The following GRIN1 variants were observed in gnomAD, a reference collection of about 807,000 sequenced individuals.
The protein encoded by GRIN1 is glutamate receptor ionotropic, NMDA 1.
Under a neutral mutation model 103.0 loss-of-function variants are expected in GRIN1, and 38 were observed. The ratio of observed to expected loss-of-function variants is 0.37; its 90% CI spans 0.28 to 0.48. The LOEUF (loss-of-function observed/expected upper bound fraction) is 0.48, where lower values mean the gene tolerates loss of function less well. Among genes scored for constraint, GRIN1 ranks in the 20% least tolerant of loss-of-function variants. GRIN1 has a pLI of 0.98. For synonymous variants in GRIN1, 544 were observed against 532.7 expected (o/e 1.02, Z -0.29); for missense variants, 577 against 1,288.9 (o/e 0.45, Z 8.46).
intron 2 of GRIN1, 128 bp from the exon 3 acceptor site, chr9:137,145,597 TG>T: frequency 4.1e-6 from 2 of 492,568 alleles, no homozygotes; most frequent in South Asian, 3.8e-5. Flanking sequence ...CGTGTCCCCA[TG>T]GGGGTGGGGA....
chr9:137,157,885 G>A lies in GRIN1; in HGVS notation c.969-494G>A, dbSNP rs1476461771. Among the ~76,000 whole-genome samples the A allele has an allele frequency of 2.0e-5, 3 of 152,320 alleles. No homozygotes were observed. In the East Asian group the frequency reaches 5.8e-4, roughly 29 times the overall value. The stretch of plus-strand genomic sequence containing the variant: ...CATGTGACACAAGCACATGCATGGG[G>A]TGCACCCCACATAGGGATCACGTGT... On this transcript the variant is annotated intron_variant, in intron 6 of 19. Coordinates refer to ENST00000371561, the MANE Select transcript of GRIN1 (RefSeq NM_007327.4).
In GRIN1 at chr9:137,167,731, G is replaced by A. The variant is rs780931421; in HGVS notation, c.*204G>A. 6.2e-7 allele frequency: 1 copy of A among 1,610,350 alleles called. No homozygotes were observed. Among genetic ancestry groups the A allele is most frequent in the Admixed American group, 1.7e-5 (1 of 59,928 alleles). ...TCCCGGCCCCGCGCGTGCCCCCAGC[G>A]TGGGGCTAACGGGCGCCTTGTCTGT... On this transcript the variant is annotated 3_prime_UTR_variant, in exon 20 of 20. Coordinates refer to ENST00000371561, the MANE Select transcript of GRIN1 (RefSeq NM_007327.4).
chr9:137,142,452 C>T (rs939331302), intron 2 of GRIN1, among the ~76,000 whole-genome samples: 5 of 152,064 alleles, frequency 3.3e-5, no homozygotes, highest in Admixed American at 6.5e-5. Context: ...GGGCACACAT[C>T]ACACACTCAC....
At chr9:137,160,677 G>T (rs947197002) in intron 8 of GRIN1, among the ~76,000 whole-genome samples, 2 of 152,172 alleles carry the variant, frequency 1.3e-5, no homozygotes, top group East Asian at 3.9e-4. Flanking sequence ...TGATCCGGCC[G>T]CCTCGGCCTC....
At chr9:137,159,711 G>A (rs1451169982) in intron 8 of GRIN1, among the ~76,000 whole-genome samples, 1 of 152,226 alleles carries the variant, frequency 6.6e-6, no homozygotes, top group African/African-American at 2.4e-5. Context: ...TATATTACCT[G>A]TATAACAGGA....
At chr9:137,151,294 G>GA (rs1396488919) in intron 4 of GRIN1, among the ~76,000 whole-genome samples, 1 of 136,884 alleles carries the variant, frequency 7.3e-6, no homozygotes, top group African/African-American at 2.8e-5. Flanking sequence ...ACCCGCCCAG[G>GA]AAAAAGCTCT....
In GRIN1 at chr9:137,167,535, CG is replaced by C; in HGVS notation, c.*9del. The stretch of plus-strand genomic sequence containing the variant: ...CGTCATAGGGAGAGCTGAGACTCCC[CG>C]CCCGCCCTCCTCTGCCCCCTCCCCC... On this transcript the variant is annotated 3_prime_UTR_variant, in exon 20 of 20. Coordinates refer to ENST00000371561, the MANE Select transcript of GRIN1 (RefSeq NM_007327.4). 9.1e-6 allele frequency: 14 copies of C among 1,542,284 alleles called. No individual in the cohort carries two copies. The highest frequency in any genetic ancestry group is 2.7e-5 in the African/African-American group (2 of 73,434).
rs1263823031 is a variant in GRIN1, at chr9:137,167,556, T to G, written c.*29T>G. The G allele has an allele frequency of 3.5e-6, 3 of 854,942 alleles. No homozygotes were observed. Among genetic ancestry groups the G allele is most frequent in the South Asian group, 2.8e-5 (2 of 71,280 alleles). The allele number at this position is 854,942 out of a possible 1,614,324, so 53.0% of individuals were successfully genotyped here. On this transcript the variant is annotated 3_prime_UTR_variant, in exon 20 of 20. Coordinates refer to ENST00000371561, the MANE Select transcript of GRIN1 (RefSeq NM_007327.4). ...TCCCCGCCCGCCCTCCTCTGCCCCC[T>G]CCCCCGCAGACAGACAGACAGACGG... is the stretch of plus-strand genomic sequence containing the variant.
intron 4 of GRIN1, among the ~76,000 whole-genome samples, chr9:137,151,112 A>G (rs1331285918): frequency 4.0e-5 from 5 of 124,016 alleles, no homozygotes; most frequent in African/African-American, 1.2e-4. Flanking sequence ...CCCCGCCCAG[A>G]AAAAAGTCGC....
At position 137,158,363 on chromosome 9, in the gene GRIN1, A is replaced by G. The variant is rs199706518; in HGVS notation, c.969-16A>G. The G allele has an allele frequency of 3.7e-6, 6 of 1,612,978 alleles. No homozygotes were observed. The highest frequency in any genetic ancestry group is 4.5e-5 in the East Asian group (2 of 44,884). The stretch of plus-strand genomic sequence containing the variant: ...GGAGCATCTCTGAGAAGCCTCAGCT[A>G]TGCTTCCTTCCCTAGAGTGCTGATG... On this transcript the variant is annotated splice_polypyrimidine_tract_variant and intron_variant, in intron 6 of 19. Coordinates refer to ENST00000371561, the MANE Select transcript of GRIN1 (RefSeq NM_007327.4).
At position 137,161,424 on chromosome 9, in the gene GRIN1, G is replaced by A. The variant is rs10747050; in HGVS notation, c.1467+8G>A. On this transcript the variant is annotated splice_region_variant and intron_variant, in intron 10 of 19. Transcript: ENST00000371561. ...TTCGGCACACAGGAGCGGGTAGGCT[G>A]GACGGCGGGGGTGGGGACCAGCGTG... The A allele has an allele frequency of 0.93, 1,503,796 of 1,608,884 alleles. 703,780 individuals are homozygous for A. The highest frequency in any genetic ancestry group is 0.99 in the East Asian group (44,192 of 44,684).
At chr9:137,153,957 G>C (rs1255493262) in intron 4 of GRIN1, among the ~76,000 whole-genome samples, 2 of 152,000 alleles carry the variant, frequency 1.3e-5, no homozygotes, top group African/African-American at 4.8e-5. Context: ...AATTACAGGT[G>C]TGTGCCACCA....
At chr9:137,152,713 G>A (rs2131253537) in intron 4 of GRIN1, among the ~76,000 whole-genome samples, 1 of 152,240 alleles carries the variant, frequency 6.6e-6, no homozygotes, top group South Asian at 2.1e-4. Context: ...CCCAGGGGAA[G>A]GGACATGGTC....
At chr9:137,162,312 G>A (rs1293956719) in intron 12 of GRIN1, 22 bp downstream of exon 12, 2 of 1,546,520 alleles carry the variant, frequency 1.3e-6, no homozygotes, top group Admixed American at 3.8e-5. Flanking sequence ...CCGGGGCTCA[G>A]ACACCTCCAT....
intron 2 of GRIN1, 139 bp from the exon 3 acceptor site, chr9:137,145,586 AC>A: frequency 1.3e-5 from 5 of 390,938 alleles, no homozygotes; most frequent in South Asian, 2.3e-5. Context: ...AGGGTCTAGA[AC>A]GTGTCCCCAT....
chr9:137,162,616 C>T lies in GRIN1; in HGVS notation c.1890C>T (p.Arg630=). 6.2e-7 allele frequency: 1 copy of T among 1,612,666 alleles called. No homozygotes were observed. The highest frequency in any genetic ancestry group is 8.5e-7 in the Non-Finnish European group (1 of 1,179,784). ...GCGCCCCCAGAAGCTTCTCAGCGCG[C>T]ATCCTGGGCATGGTGTGGGCCGGCT... is the stretch of plus-strand genomic sequence containing the variant. ...GEGAPRSFSA[R]ILGMVWAGFA... Residue 630 remains arginine (R), a synonymous_variant, in exon 14 of 20, where the codon CGC becomes CGT. Transcript: ENST00000371561.
At chr9:137,160,221 G>A (rs1189582802) in intron 8 of GRIN1, among the ~76,000 whole-genome samples, 3 of 152,246 alleles carry the variant, frequency 2.0e-5, no homozygotes, top group East Asian at 3.9e-4. Flanking sequence ...ACTGGGGGCC[G>A]GGACAGGCAG....
At chr9:137,166,351 C>T (rs565010739) in intron 19 of GRIN1, among the ~76,000 whole-genome samples, 1 of 152,252 alleles carries the variant, frequency 6.6e-6, no homozygotes, top group East Asian at 1.9e-4. Flanking sequence ...GGCCCAGGCA[C>T]CATGGTGGGG....
At chr9:137,159,039 C>T (rs1476513246) in intron 8 of GRIN1, among the ~76,000 whole-genome samples, 1 of 152,192 alleles carries the variant, frequency 6.6e-6, no homozygotes, top group African/African-American at 2.4e-5. Flanking sequence ...CTTCAGCACT[C>T]GCTGTCCCCA....
Sources: gnomAD v4.1 joint callset for allele counts (sites outside exome capture counted in the v4.1 genomes callset) on GRCh38, gnomAD v4.1.1 for gene constraint, MANE v1.5 for transcripts, NCBI Gene and HGNC (gene_info 2026-07-23, HGNC 2026-07-21) for gene names.